Variants in WDR46 observed in about 807,000 individuals in gnomAD.
WDR46 encodes the protein WD repeat domain 46.
A neutral mutation model predicts 74.7 loss-of-function variants in WDR46; 58 were observed. The ratio of observed to expected loss-of-function variants is 0.78; its 90% CI spans 0.63 to 0.97. The LOEUF (loss-of-function observed/expected upper bound fraction) is 0.97. Among genes scored for constraint, WDR46 ranks in the 50% least tolerant of loss-of-function variants. WDR46 has a pLI of 0.00. For synonymous variants in WDR46, 278 were observed against 297.3 expected (o/e 0.93, Z 0.67); for missense variants, 702 against 790.1 (o/e 0.89, Z 1.34).
chr6:33,280,411 C>T lies in WDR46; in HGVS notation c.1524+17G>A, dbSNP rs1376159274. On this transcript the variant is annotated intron_variant, in intron 12 of 14. Transcript: ENST00000374617. The stretch of plus-strand genomic sequence containing the variant: ...GCAATGGGGGGGATCTCACCCTCTC[C>T]AGCAGGGGAGCCTCACCTTCTCTAG... 2 of 1,559,616 alleles carry T rather than the reference C, an allele frequency of 1.3e-6. No individual in the cohort carries two copies. Among genetic ancestry groups the T allele is most frequent in the African/African-American group, 1.4e-5 (1 of 73,740 alleles).
chr6:33,288,301 C>A, intron 4 of WDR46, 57 bp downstream of exon 4: 1 of 1,613,578 alleles, frequency 6.2e-7, no homozygotes, highest in Non-Finnish European at 8.5e-7. Flanking sequence ...AACATAAAAA[C>A]GAGAAAAGAC....
chr6:33,288,604 T>C lies in WDR46; in HGVS notation c.360+10A>G. On this transcript the variant is annotated intron_variant, in intron 3 of 14. Coordinates refer to ENST00000374617, the MANE Select transcript of WDR46 (RefSeq NM_005452.6). Reference sequence around the variant, plus strand: ...CTCCAGCACTTCCCAACTCTCCGGCTGGACCTCACCTTTCGGGATTTGTCA... The same window carrying C: ...CTCCAGCACTTCCCAACTCTCCGGCCGGACCTCACCTTTCGGGATTTGTCA... The C allele has an allele frequency of 6.2e-7, 1 of 1,612,478 alleles. No homozygotes were observed. The highest frequency in any genetic ancestry group is 8.5e-7 in the Non-Finnish European group (1 of 1,179,278).
chr6:33,285,883 G>A (rs1275144240), intron 10 of WDR46, among the ~76,000 whole-genome samples: 73 of 139,890 alleles, frequency 5.2e-4, no homozygotes, highest in Middle Eastern at 3.8e-3. Context: ...GCTCACGCCT[G>A]TAATCCCAAC....
intron 12 of WDR46, 78 bp downstream of exon 12, chr6:33,280,350 C>CACCCTCTCCAGGACGGGGGAACCTG: frequency 6.8e-7 from 1 of 1,471,834 alleles, no homozygotes; most frequent in Non-Finnish European, 9.3e-7. Flanking sequence ...GGAGGAACCT[C>CACCCTCTCCAGGACGGGGGAACCTG]ACCCTCTCCA....
rs759952282 is a variant in WDR46 at position 33,280,838 on chromosome 6, A to G, written c.1265T>C (p.Val422Ala). Residue 422 changes from valine to alanine, a missense_variant, in exon 11 of 15, where the codon GTT becomes GCT. Physicochemically the swap from Val to Ala is moderately conservative, Grantham distance 64 (BLOSUM62 0). Coordinates refer to ENST00000374617, the MANE Select transcript of WDR46 (RefSeq NM_005452.6). ...GCCCTGCCCTGCCCAGATGTTGACAACGTCACCCATTCCCGCCACCAGCAG... is the reference window on the plus strand; with the variant it reads ...GCCCTGCCCTGCCCAGATGTTGACAGCGTCACCCATTCCCGCCACCAGCAG... ...RGLLVAGMGD[V>A]VNIWAGQGKA... is the part of the protein sequence containing the mutation. 1 of 1,614,142 alleles carries G rather than the reference A, an allele frequency of 6.2e-7. No homozygotes were observed. The highest frequency in any genetic ancestry group is 1.1e-5 in the South Asian group (1 of 91,084).
In WDR46 at chr6:33,288,255, T is replaced by C. The variant is rs778479922; in HGVS notation, c.474-20A>G. The C allele has an allele frequency of 2.6e-5, 42 of 1,614,198 alleles. No individual in the cohort carries two copies. Among genetic ancestry groups the C allele is most frequent in the Admixed American group, 5.0e-5 (3 of 60,020 alleles). On this transcript the variant is annotated intron_variant, in intron 4 of 14. Coordinates refer to ENST00000374617, the MANE Select transcript of WDR46 (RefSeq NM_005452.6). ...AGAAACCTGAAAGCAAGGGTTAGGATGGCAGTAAAGCTTCCCAATATGAAG... is the reference window on the plus strand; with the variant it reads ...AGAAACCTGAAAGCAAGGGTTAGGACGGCAGTAAAGCTTCCCAATATGAAG...
chr6:33,287,683 G>A lies in WDR46; in HGVS notation c.659C>T (p.Ala220Val). The A allele has an allele frequency of 6.2e-7, 1 of 1,613,996 alleles. No individual in the cohort carries two copies. The highest frequency in any genetic ancestry group is 8.5e-7 in the Non-Finnish European group (1 of 1,180,000). The change falls in exon 7 of 15, where the codon GCT becomes GTT. Residue 220 changes from alanine to valine, a missense_variant. Coordinates refer to ENST00000374617, the MANE Select transcript of WDR46 (RefSeq NM_005452.6). ...LAFGGRRGHV[A>V]ALDWVTKKLM... ...CTTCTTTGTTACCCAATCAAGGGCA[G>A]CCACATGACCTCGGCGCCCTCCAAA... is the stretch of plus-strand genomic sequence containing the variant.
At chr6:33,285,065 T>C (rs906233243) in intron 10 of WDR46, among the ~76,000 whole-genome samples, 1 of 152,226 alleles carries the variant, frequency 6.6e-6, no homozygotes, top group Non-Finnish European at 1.5e-5. Context: ...CAGATCAGCA[T>C]GAACATGAAT....
chr6:33,280,417 G>A lies in WDR46; in HGVS notation c.1524+11C>T, dbSNP rs1417111979. ...GGGGGGATCTCACCCTCTCCAGCAGGGGAGCCTCACCTTCTCTAGCAGGGC... is the reference window on the plus strand; with the variant it reads ...GGGGGGATCTCACCCTCTCCAGCAGAGGAGCCTCACCTTCTCTAGCAGGGC... On this transcript the variant is annotated intron_variant, in intron 12 of 14. Transcript: ENST00000374617. 6.4e-6 allele frequency: 10 copies of A among 1,563,096 alleles called. No homozygotes were observed. The highest frequency in any genetic ancestry group is 1.2e-5 in the South Asian group (1 of 85,168).
Position 33,279,147 on chromosome 6 carries a change from A to C in WDR46, c.*129T>G. 7.5e-7 allele frequency: 1 copy of C among 1,337,972 alleles called. No homozygotes were observed. The highest frequency in any genetic ancestry group is 1.0e-6 in the Non-Finnish European group (1 of 968,332). The allele number at this position is 1,337,972 out of a possible 1,614,324, so 82.9% of individuals were successfully genotyped here. A position where few individuals can be genotyped will look rare whatever the true frequency, so the allele number is the denominator to read the frequency against. On this transcript the variant is annotated 3_prime_UTR_variant, in exon 15 of 15. Coordinates refer to ENST00000374617, the MANE Select transcript of WDR46 (RefSeq NM_005452.6). ...TTCCTCTTTAATACCAACCCACCCC[A>C]GGAGACAGCTGTCCACCCCCAGTTG...
intron 10 of WDR46, 111 bp downstream of exon 10, chr6:33,286,684 G>T: frequency 5.0e-6 from 5 of 1,010,026 alleles, no homozygotes; most frequent in South Asian, 3.0e-5. Flanking sequence ...GTAACACTGC[G>T]ATTTAAACCT....
At chr6:33,282,376 G>A (rs1562618866) in intron 10 of WDR46, among the ~76,000 whole-genome samples, 1 of 152,142 alleles carries the variant, frequency 6.6e-6, no homozygotes. Context: ...ATTACCGAGC[G>A]CTCGTGGAAC....
Position 33,280,818 on chromosome 6 carries a change from G to A in WDR46, c.1285C>T (p.Gln429Ter), listed in dbSNP as rs913095948. 6.2e-7 allele frequency: 1 copy of A among 1,614,164 alleles called. No individual in the cohort carries two copies. Among genetic ancestry groups the A allele is most frequent in the Non-Finnish European group, 8.5e-7 (1 of 1,180,026 alleles). ...AGGGAGGGTGGGCTGGCCTTGCCCT[G>A]CCCTGCCCAGATGTTGACAACGTCA... ...MGDVVNIWAG[Q>*]GKASPPSLEQ... is the part of the protein sequence containing the mutation. Residue 429 changes from glutamine (Q) to a stop codon, truncating the protein, a stop_gained, in exon 11 of 15, where the codon CAG becomes TAG. Coordinates refer to ENST00000374617, the MANE Select transcript of WDR46 (RefSeq NM_005452.6). LOFTEE classifies it high-confidence loss of function.
rs769642720 is a variant in WDR46, at chr6:33,287,235, G to T, written c.880-9C>A. On this transcript the variant is annotated splice_polypyrimidine_tract_variant and intron_variant, in intron 8 of 14. Coordinates refer to ENST00000374617, the MANE Select transcript of WDR46 (RefSeq NM_005452.6). ...AGAAACCCTGTTTCTGACTGAGAGAGAAAGACAGAGAGAATGACCCAGTCC... is the reference window on the plus strand; with the variant it reads ...AGAAACCCTGTTTCTGACTGAGAGATAAAGACAGAGAGAATGACCCAGTCC... 2 of 1,613,688 alleles carry T rather than the reference G, an allele frequency of 1.2e-6. No individual in the cohort carries two copies. Among genetic ancestry groups the T allele is most frequent in the South Asian group, 2.2e-5 (2 of 91,026 alleles).
intron 6 of WDR46, 62 bp from the exon 7 acceptor site, chr6:33,287,780 A>T: frequency 1.9e-6 from 3 of 1,585,526 alleles, no homozygotes; most frequent in Non-Finnish European, 2.6e-6. Context: ...AGACAACTTG[A>T]GGTCTGCCCC....
At chr6:33,279,982 G>A in intron 12 of WDR46, 123 bp from the exon 13 acceptor site, 2 of 890,680 alleles carry the variant, frequency 2.2e-6, no homozygotes, top group Non-Finnish European at 3.4e-6. Context: ...CATCAGGAGA[G>A]CTTTCTCTAC....
intron 10 of WDR46, among the ~76,000 whole-genome samples, chr6:33,283,403 C>A (rs1454989072): frequency 6.6e-6 from 1 of 152,072 alleles, no homozygotes; most frequent in Non-Finnish European, 1.5e-5. Flanking sequence ...CAGAGACCAG[C>A]CTGGGCTACA....
intron 10 of WDR46, among the ~76,000 whole-genome samples, chr6:33,285,783 C>T (rs1368378414): frequency 6.6e-6 from 1 of 151,924 alleles, no homozygotes; most frequent in African/African-American, 2.4e-5. Flanking sequence ...CCTTGGCCTC[C>T]AAAGTGCTGG....
Position 33,279,809 on chromosome 6 carries a change from A to T in WDR46, c.1575T>A (p.Asp525Glu). The change falls in exon 13 of 15, where the codon GAT (aspartate) becomes GAA (glutamate). Residue 525 changes from aspartate to glutamate, a missense_variant. Coordinates refer to ENST00000374617, the MANE Select transcript of WDR46 (RefSeq NM_005452.6). ...CLDPRALAEVDVISLEQGKKE... is the reference protein window; with the variant it reads ...CLDPRALAEVEVISLEQGKKE... ...TCTTTCCCTGCTCCAGGGAGATGAC[A>T]TCCACCTCGGCCAGGGCTCGTGGGT... 6.2e-7 allele frequency: 1 copy of T among 1,614,096 alleles called. No individual in the cohort carries two copies. Among genetic ancestry groups the T allele is most frequent in the Non-Finnish European group, 8.5e-7 (1 of 1,179,990 alleles).
Sources: allele counts gnomAD v4.1 joint callset (sites outside exome capture counted in the v4.1 genomes callset), GRCh38; gene constraint gnomAD v4.1.1; transcripts MANE v1.5; gene names NCBI Gene and HGNC (gene_info 2026-07-23, HGNC 2026-07-21).